SRSF10: variants seen among roughly 807,000 people sequenced by gnomAD.
The protein encoded by SRSF10 is serine/arginine-rich splicing factor 10.
In SRSF10, 9 loss-of-function variants were observed where a neutral mutation model predicts 32.6. The observed-to-expected ratio is 0.28, with a 90% CI of 0.17 to 0.48. SRSF10 has a LOEUF of 0.48. Ranked by LOEUF, SRSF10 falls within the 20% of genes least tolerant of loss-of-function variation. SRSF10 has a pLI of 0.99. For missense variants in SRSF10, 201 were observed against 331.8 expected, an observed-to-expected ratio of 0.61 and a Z score of 3.06; for synonymous variants, 105 against 112.4, an observed-to-expected ratio of 0.93 and a Z score of 0.42.
chr1:23,969,549 C>T lies in SRSF10; in HGVS notation c.*1593G>A, dbSNP rs1311066687. The T allele has an allele frequency of 1.0e-6, 1 of 985,086 alleles. No homozygotes were observed. The allele number at this position is 985,086 out of a possible 1,614,324, so 61.0% of individuals were successfully genotyped here. On this transcript the variant is annotated 3_prime_UTR_variant, in exon 6 of 6. Transcript: ENST00000492112. ...CAGGCAAAGCCTAGATTACTAAAACCGAAATTGAAAAAAGTAATCCTCTAA... is the reference window on the plus strand; with the variant it reads ...CAGGCAAAGCCTAGATTACTAAAACTGAAATTGAAAAAAGTAATCCTCTAA...
chr1:23,978,688 A>G lies in SRSF10; in HGVS notation c.170+25T>C, dbSNP rs1351638765. 3.1e-6 allele frequency: 5 copies of G among 1,604,820 alleles called. No homozygotes were observed. The African/African-American group carries it at 4.0e-5, about 13-fold the overall frequency. Reference sequence around the variant, plus strand: ...ATTTCAAACTTCAACACCCCTCACTAATCAGCCATCTGAAGAAAGGATATT... The same window carrying G: ...ATTTCAAACTTCAACACCCCTCACTGATCAGCCATCTGAAGAAAGGATATT... On this transcript the variant is annotated intron_variant, in intron 2 of 5. Coordinates refer to ENST00000492112, the MANE Select transcript of SRSF10 (RefSeq NM_054016.4).
At chr1:23,973,774 TAC>T (rs1210166711) in intron 3 of SRSF10, among the ~76,000 whole-genome samples, 1 of 152,188 alleles carries the variant, frequency 6.6e-6, no homozygotes, top group African/African-American at 2.4e-5. Context: ...GCAGTAATAT[TAC>T]AGTTCTAAGA....
At position 23,980,303 on chromosome 1, in the gene SRSF10, T is replaced by C; in HGVS notation, c.-48A>G. 1 of 1,395,130 alleles carries C rather than the reference T, an allele frequency of 7.2e-7. No homozygotes were observed. The highest frequency in any genetic ancestry group is 9.4e-7 in the Non-Finnish European group (1 of 1,066,174). 86.4% of individuals were successfully genotyped at this position (1,395,130 alleles called of 1,614,324 possible). Reference sequence around the variant, plus strand: ...GCGCACTAACGGGCTCAGCAAACCGTCCGCGGCTCAGGCGGCCGAGCCTCA... The same window carrying C: ...GCGCACTAACGGGCTCAGCAAACCGCCCGCGGCTCAGGCGGCCGAGCCTCA... On this transcript the variant is annotated 5_prime_UTR_variant, in exon 1 of 6. Coordinates refer to ENST00000492112, the MANE Select transcript of SRSF10 (RefSeq NM_054016.4).
Position 23,968,089 on chromosome 1 carries a change from G to GT in SRSF10, c.*3052dup, listed in dbSNP as rs1557558652. 58 of 1,443,744 alleles carry GT rather than the reference G, an allele frequency of 4.0e-5. No homozygotes were observed. The South Asian group carries it at 5.7e-4, about 14-fold the overall frequency. The allele number at this position is 1,443,744 out of a possible 1,614,324, so 89.4% of individuals were successfully genotyped here. ...CAGTCATACACAGTAGGTAAACTCA[G>GT]TAAGTGGGGGACTCAACTACATCAC... is the stretch of plus-strand genomic sequence containing the variant. On this transcript the variant is annotated 3_prime_UTR_variant, in exon 6 of 6. Transcript: ENST00000492112.
rs1375730878 is a variant in SRSF10 at position 23,966,878 on chromosome 1, A to C, written c.*4264T>G. The C allele has an allele frequency of 6.6e-6, 1 of 152,110 alleles. No homozygotes were observed. The highest frequency in any genetic ancestry group is 1.5e-5 in the Non-Finnish European group (1 of 67,958). The allele number at this position is 152,110 out of a possible 1,614,324, so 9.4% of individuals were successfully genotyped here. A position where few individuals can be genotyped will look rare whatever the true frequency, so the allele number is the denominator to read the frequency against. ...TATATTGTGTTCTATAATTACATTG[A>C]TACGAATGGTGTAAAATATTGTTAT... is the stretch of plus-strand genomic sequence containing the variant. On this transcript the variant is annotated 3_prime_UTR_variant, in exon 6 of 6. Coordinates refer to ENST00000492112, the MANE Select transcript of SRSF10 (RefSeq NM_054016.4).
intron 2 of SRSF10, 198 bp from the exon 3 acceptor site, chr1:23,975,275 C>T (rs1642017844): frequency 1.9e-6 from 1 of 537,430 alleles, no homozygotes; most frequent in South Asian, 2.7e-5. Context: ...TTTCCTAAGG[C>T]ACACATTTGA....
chr1:23,970,342 T>C lies in SRSF10; in HGVS notation c.*800A>G, dbSNP rs1411431473. ...TAATCCACACTGCATCAAAAATAAT[T>C]ATCATTGGCCTAGACATCCGGTTTT... On this transcript the variant is annotated 3_prime_UTR_variant, in exon 6 of 6. Coordinates refer to ENST00000492112, the MANE Select transcript of SRSF10 (RefSeq NM_054016.4). The C allele has an allele frequency of 1.0e-6, 1 of 979,048 alleles. No individual in the cohort carries two copies. The highest frequency in any genetic ancestry group is 1.2e-6 in the Non-Finnish European group (1 of 828,124). 60.6% of individuals were successfully genotyped at this position (979,048 alleles called of 1,614,324 possible).
intron 1 of SRSF10, among the ~76,000 whole-genome samples, chr1:23,979,861 A>C (rs1339096179): frequency 8.2e-6 from 1 of 121,670 alleles, no homozygotes; most frequent in Non-Finnish European, 1.8e-5. Flanking sequence ...GTGAACTTCA[A>C]ATCAATGGGG....
intron 2 of SRSF10, chr1:23,977,926 T>G (rs1642192334): frequency 1.0e-6 from 1 of 985,108 alleles, no homozygotes; most frequent in East Asian, 1.1e-4. Context: ...GTATGACTCC[T>G]TTAATCTTGG....
chr1:23,965,354 G>A lies in SRSF10; in HGVS notation c.*5788C>T, dbSNP rs956117583. On this transcript the variant is annotated 3_prime_UTR_variant, in exon 6 of 6. Coordinates refer to ENST00000492112, the MANE Select transcript of SRSF10 (RefSeq NM_054016.4). Reference sequence around the variant, plus strand: ...CAATGGAAAATCTCTACAAGAGAATGAGATTTGGAAAGCCATGCTTAGAGT... The same window carrying A: ...CAATGGAAAATCTCTACAAGAGAATAAGATTTGGAAAGCCATGCTTAGAGT... 7 of 152,128 alleles carry A rather than the reference G, an allele frequency of 4.6e-5. No individual in the cohort carries two copies. The highest frequency in any genetic ancestry group is 3.4e-3 in the Middle Eastern group (1 of 294). 9.4% of individuals were successfully genotyped at this position (152,128 alleles called of 1,614,324 possible).
intron 3 of SRSF10, among the ~76,000 whole-genome samples, chr1:23,972,417 A>G (rs1189508596): frequency 8.3e-5 from 12 of 143,938 alleles, no homozygotes; most frequent in African/African-American, 2.8e-4. Flanking sequence ...AAAAGTGTGT[A>G]TGTGTTTTGG....
Position 23,966,586 on chromosome 1 carries a change from CTCTG to C in SRSF10, c.*4552_*4555del, listed in dbSNP as rs1220229348. 2 of 151,962 alleles carry C rather than the reference CTCTG, an allele frequency of 1.3e-5. No homozygotes were observed. The highest frequency in any genetic ancestry group is 1.5e-5 in the Non-Finnish European group (1 of 67,858). 9.4% of individuals were successfully genotyped at this position (151,962 alleles called of 1,614,324 possible). ...TACTAAATCAGTTAGGATAACAGCTCTCTGTCTGCCTCAAAATAATCTAATTATA... is the reference window on the plus strand; with the variant it reads ...TACTAAATCAGTTAGGATAACAGCTCTCTGCCTCAAAATAATCTAATTATA... On this transcript the variant is annotated 3_prime_UTR_variant, in exon 6 of 6. Transcript: ENST00000492112.
chr1:23,980,125 A>AC (rs1642373645), intron 1 of SRSF10, 66 bp downstream of exon 1: 1 of 1,473,456 alleles, frequency 6.8e-7, no homozygotes, highest in Non-Finnish European at 9.1e-7. Context: ...TGCCGCCACC[A>AC]CCAGGGTCCT....
intron 3 of SRSF10, among the ~76,000 whole-genome samples, chr1:23,974,080 C>G (rs1641935286): frequency 6.6e-6 from 1 of 151,510 alleles, no homozygotes; most frequent in African/African-American, 2.4e-5. Flanking sequence ...CAACCTCTGC[C>G]TGCCGGGTTC....
At position 23,965,539 on chromosome 1, in the gene SRSF10, A is replaced by G. The variant is rs1641410362; in HGVS notation, c.*5603T>C. The G allele has an allele frequency of 1.3e-5, 2 of 151,986 alleles. No homozygotes were observed. Among genetic ancestry groups the G allele is most frequent in the African/African-American group, 4.8e-5 (2 of 41,432 alleles). 9.4% of individuals were successfully genotyped at this position (151,986 alleles called of 1,614,324 possible). A position where few individuals can be genotyped will look rare whatever the true frequency, so the allele number is the denominator to read the frequency against. ...AAAGGACAATTTTCTCATCTGTAAA[A>G]TGGGAATAATACCCATTTCCCAGGA... On this transcript the variant is annotated 3_prime_UTR_variant, in exon 6 of 6. Transcript: ENST00000492112.
At chr1:23,979,562 G>A (rs1431433455) in intron 1 of SRSF10, among the ~76,000 whole-genome samples, 2 of 152,140 alleles carry the variant, frequency 1.3e-5, no homozygotes, top group African/African-American at 2.4e-5. Context: ...ACGTCCTAAT[G>A]ACTGACGCTT....
At position 23,971,830 on chromosome 1, in the gene SRSF10, G is replaced by C. The variant is rs1192528707; in HGVS notation, c.437+20C>G. The C allele has an allele frequency of 4.4e-6, 7 of 1,593,100 alleles. No individual in the cohort carries two copies. In the South Asian group the frequency reaches 8.0e-5, roughly 18 times the overall value. On this transcript the variant is annotated intron_variant, in intron 4 of 5. Transcript: ENST00000492112. ...AAATACATTTTTTAAACAGATCACT[G>C]TGCTACACAGCACACTTACTTTCTA...
In SRSF10 at chr1:23,965,618, A is replaced by G. The variant is rs1412177802; in HGVS notation, c.*5524T>C. ...GAAAAGCACATGGTTCGGCACAGTA[A>G]GTGCTCAATAATATTGACAGCATTC... On this transcript the variant is annotated 3_prime_UTR_variant, in exon 6 of 6. Coordinates refer to ENST00000492112, the MANE Select transcript of SRSF10 (RefSeq NM_054016.4). 2 of 151,984 alleles carry G rather than the reference A, an allele frequency of 1.3e-5. No homozygotes were observed. Among genetic ancestry groups the G allele is most frequent in the Non-Finnish European group, 2.9e-5 (2 of 67,844 alleles). The allele number at this position is 151,984 out of a possible 1,614,324, so 9.4% of individuals were successfully genotyped here. A position where few individuals can be genotyped will look rare whatever the true frequency, so the allele number is the denominator to read the frequency against.
At chr1:23,972,184 G>A (rs1406473175) in intron 3 of SRSF10, among the ~76,000 whole-genome samples, 172 bp from the exon 4 acceptor site, 9 of 152,156 alleles carry the variant, frequency 5.9e-5, no homozygotes, top group African/African-American at 1.9e-4. Flanking sequence ...TGAGGTGGGA[G>A]GATCACTTGA....
Sources: allele counts gnomAD v4.1 joint callset (sites outside exome capture counted in the v4.1 genomes callset), GRCh38; gene constraint gnomAD v4.1.1; transcripts MANE v1.5; gene names NCBI Gene and HGNC (gene_info 2026-07-23, HGNC 2026-07-21).